NAF1: variants seen among roughly 807,000 people sequenced by gnomAD.
NAF1 encodes H/ACA ribonucleoprotein complex non-core subunit NAF1.
A neutral mutation model predicts 40.6 loss-of-function variants in NAF1; 11 were observed. The observed-to-expected ratio is 0.27, with a 90% CI of 0.17 to 0.45. The LOEUF (loss-of-function observed/expected upper bound fraction) is 0.45, where lower values mean the gene tolerates loss of function less well. Among genes scored for constraint, NAF1 ranks in the 20% least tolerant of loss-of-function variants. NAF1 has a pLI of 1.00. For synonymous variants in NAF1, 260 were observed against 228.5 expected, an observed-to-expected ratio of 1.14 and a Z score of -1.24; for missense variants, 607 against 611.1, an observed-to-expected ratio of 0.99 and a Z score of 0.07.
Position 163,149,905 on chromosome 4 carries a change from T to C in NAF1, c.541-1471A>G, listed in dbSNP as rs554146613. ...TGCAGAGAAGAGGGCTTTAATGATA[T>C]TTCAGAGGGCAATTGTGAGGGGAGT... On this transcript the variant is annotated intron_variant, in intron 2 of 7. Coordinates refer to ENST00000274054, the MANE Select transcript of NAF1 (RefSeq NM_138386.3). Among the ~76,000 whole-genome samples the C allele has an allele frequency of 2.6e-5, 4 of 152,234 alleles. No homozygotes were observed. The East Asian group carries it at 7.7e-4, about 29-fold the overall frequency.
At chr4:163,119,731 C>A (rs1404519009) in intron 2 of NAF1, 1 of 152,136 alleles carries the variant, frequency 6.6e-6, no homozygotes. Flanking sequence ...GTAATATACT[C>A]CACAGTCCGT....
At chr4:163,110,424 C>T in intron 2 of NAF1, 1 of 605,456 alleles carries the variant, frequency 1.7e-6, no homozygotes. Context: ...TGCCTATTTC[C>T]TAAATTAATC....
At chr4:163,121,127 G>A (rs1489910066) in intron 2 of NAF1, among the ~76,000 whole-genome samples, 1 of 152,172 alleles carries the variant, frequency 6.6e-6, no homozygotes, top group African/African-American at 2.4e-5. Flanking sequence ...CTGACCTCAA[G>A]TGATCTGCCT....
intron 1 of NAF1, among the ~76,000 whole-genome samples, chr4:163,165,576 T>C (rs1332488241): frequency 6.6e-6 from 1 of 152,170 alleles, no homozygotes; most frequent in African/African-American, 2.4e-5. Context: ...TTCAGCCTTC[T>C]TCACTTCCAC....
At chr4:163,118,914 C>A (rs1160117914) in intron 2 of NAF1, among the ~76,000 whole-genome samples, 1 of 152,156 alleles carries the variant, frequency 6.6e-6, no homozygotes. Context: ...TCTATGAGAA[C>A]TAACAAAATA....
Position 163,164,337 on chromosome 4 carries a change from C to T in NAF1, c.420G>A (p.Ser140=), listed in dbSNP as rs1263975601. The T allele has an allele frequency of 1.9e-6, 3 of 1,597,744 alleles. No individual in the cohort carries two copies. The highest frequency in any genetic ancestry group is 1.1e-5 in the South Asian group (1 of 87,118). The part of the protein sequence containing the change: ...SSSSSSSSSS[S]SSSSSCISLP... ...GTGATATACAAGAGGAAGAAGACGA[C>T]GATGAGGAAGATGAAGAGGAAGACG... The change falls in exon 2 of 8, where the codon TCG becomes TCA. Residue 140 remains serine (S), a synonymous_variant. Transcript: ENST00000274054.
At chr4:163,113,475 G>T (rs1730228222) in intron 2 of NAF1, among the ~76,000 whole-genome samples, 1 of 151,532 alleles carries the variant, frequency 6.6e-6, no homozygotes, top group Non-Finnish European at 1.5e-5. Context: ...TTTTGTATCT[G>T]GAAGTTTTGC....
chr4:163,118,365 A>G (rs891569955), intron 2 of NAF1, among the ~76,000 whole-genome samples: 14 of 152,264 alleles, frequency 9.2e-5, no homozygotes, highest in African/African-American at 3.4e-4. Context: ...GCAATCAATT[A>G]CAATAAAATG....
chr4:163,162,675 A>G (rs2111059446), intron 2 of NAF1, among the ~76,000 whole-genome samples: 1 of 152,254 alleles, frequency 6.6e-6, no homozygotes, highest in East Asian at 1.9e-4. Flanking sequence ...GGTCTTGTTT[A>G]CAGCACCTGG....
At chr4:163,123,987 A>G (rs980888997), downstream of NAF1, among the ~76,000 whole-genome samples, 3 of 152,198 alleles carry the variant, frequency 2.0e-5, no homozygotes, top group Admixed American at 6.5e-5. Context: ...TCTCTCCCCA[A>G]TAAGAGACAG....
At chr4:163,109,875 G>A (rs767130711), downstream of NAF1, among the ~76,000 whole-genome samples, 1 of 152,198 alleles carries the variant, frequency 6.6e-6, no homozygotes, top group Non-Finnish European at 1.5e-5. Context: ...AATAAGCAAT[G>A]ATGTGTGTCT....
At chr4:163,136,986 A>C (rs1000457298) in intron 6 of NAF1, among the ~76,000 whole-genome samples, 13 of 152,206 alleles carry the variant, frequency 8.5e-5, no homozygotes, top group Admixed American at 2.0e-4. Context: ...TAACTGAAAA[A>C]AGTTTTTTTC....
intron 6 of NAF1, among the ~76,000 whole-genome samples, chr4:163,136,712 T>C (rs1442692719): frequency 6.6e-6 from 1 of 152,158 alleles, no homozygotes; most frequent in Non-Finnish European, 1.5e-5. Context: ...CAAGGTCTCT[T>C]TTTAGAAAGG....
At chr4:163,112,649 T>C (rs1730198092) in intron 2 of NAF1, among the ~76,000 whole-genome samples, 2 of 152,156 alleles carry the variant, frequency 1.3e-5, no homozygotes, top group Admixed American at 1.3e-4. Context: ...GACTTTATAG[T>C]TGCTGAATGC....
At chr4:163,155,046 C>T (rs1731921114) in intron 2 of NAF1, among the ~76,000 whole-genome samples, 1 of 152,094 alleles carries the variant, frequency 6.6e-6, no homozygotes, top group South Asian at 2.1e-4. Context: ...CTGAAAGGTA[C>T]AAAAAGCGAT....
At chr4:163,122,110 A>G (rs1453490157), downstream of NAF1, among the ~76,000 whole-genome samples, 1 of 152,218 alleles carries the variant, frequency 6.6e-6, no homozygotes, top group Non-Finnish European at 1.5e-5. Flanking sequence ...ATTATATTTG[A>G]GACTCTATGT....
At chr4:163,152,866 C>T (rs924085366) in intron 2 of NAF1, among the ~76,000 whole-genome samples, 2 of 152,300 alleles carry the variant, frequency 1.3e-5, no homozygotes, top group Middle Eastern at 3.4e-3. Context: ...GAGCGGGAAC[C>T]GGGGCTGCGC....
At chr4:163,127,935 T>C (rs1730716682), downstream of NAF1, among the ~76,000 whole-genome samples, 1 of 152,238 alleles carries the variant, frequency 6.6e-6, no homozygotes, top group South Asian at 2.1e-4. Flanking sequence ...CAACTCCTTG[T>C]CAACTCACTA....
intron 2 of NAF1, among the ~76,000 whole-genome samples, chr4:163,158,762 T>G (rs1326919517): frequency 6.6e-6 from 1 of 152,104 alleles, no homozygotes. Flanking sequence ...GTTAATTGAG[T>G]GCATATTTCA....
Sources: gnomAD v4.1 joint callset for allele counts (sites outside exome capture counted in the v4.1 genomes callset) on GRCh38, gnomAD v4.1.1 for gene constraint, MANE v1.5 for transcripts, NCBI Gene and HGNC (gene_info 2026-07-23, HGNC 2026-07-21) for gene names.